UST: variants seen among roughly 807,000 people sequenced by gnomAD.
The protein encoded by UST is chondroitin sulfate 2-O-sulfotransferase.
UST carries 21 observed loss-of-function variants against 45.6 expected under a neutral mutation model. That is an observed-to-expected ratio of 0.46 (90% CI 0.33 to 0.66). The LOEUF (loss-of-function observed/expected upper bound fraction) is 0.66, where lower values mean the gene tolerates loss of function less well. Among genes scored for constraint, UST ranks in the 30% least tolerant of loss-of-function variants. The pLI, the probability that UST is intolerant of heterozygous loss-of-function variation, is 0.02. For synonymous variants in UST, 215 were observed against 200.6 expected, an observed-to-expected ratio of 1.07 and a Z score of -0.61; for missense variants, 463 against 512.4, an observed-to-expected ratio of 0.90 and a Z score of 0.93.
At chr6:148,750,555 G>C (rs979377260) in intron 1 of UST, among the ~76,000 whole-genome samples, 3 of 152,160 alleles carry the variant, frequency 2.0e-5, no homozygotes, top group South Asian at 4.1e-4. Flanking sequence ...CTGTCTGATT[G>C]CAATACCCAT....
At chr6:149,009,244 A>T (rs1249387196) in intron 5 of UST, among the ~76,000 whole-genome samples, 2 of 152,246 alleles carry the variant, frequency 1.3e-5, no homozygotes, top group Admixed American at 1.3e-4. Flanking sequence ...GACATGGAAG[A>T]TCAAAAAATC....
chr6:148,930,121 G>C (rs1309347779), intron 2 of UST, among the ~76,000 whole-genome samples: 1 of 152,160 alleles, frequency 6.6e-6, no homozygotes, highest in African/African-American at 2.4e-5. Context: ...CCTTCCCTGA[G>C]TTCTCAAGGC....
At chr6:148,851,204 C>T (rs1778097312) in intron 1 of UST, among the ~76,000 whole-genome samples, 3 of 152,306 alleles carry the variant, frequency 2.0e-5, no homozygotes, top group Admixed American at 6.5e-5. Context: ...TAGCATCCCT[C>T]ATCCCTGACA....
intron 7 of UST, among the ~76,000 whole-genome samples, chr6:149,051,395 G>T (rs1486262901): frequency 6.6e-6 from 1 of 152,196 alleles, no homozygotes; most frequent in African/African-American, 2.4e-5. Context: ...TCTGCCAAGT[G>T]GTGGCGAGCA....
chr6:149,029,029 C>G (rs748900699), intron 7 of UST, among the ~76,000 whole-genome samples: 19 of 152,142 alleles, frequency 1.2e-4, no homozygotes, highest in Non-Finnish European at 2.4e-4. Context: ...GGCGATGTCT[C>G]TCCATTTTCT....
chr6:149,015,971 T>C (rs998624514), intron 5 of UST, among the ~76,000 whole-genome samples: 1 of 152,326 alleles, frequency 6.6e-6, no homozygotes, highest in Non-Finnish European at 1.5e-5. Flanking sequence ...TGCAGGCCCC[T>C]GGTCCTCAGG....
At chr6:148,991,564 A>G (rs1781353882) in intron 5 of UST, among the ~76,000 whole-genome samples, 1 of 131,606 alleles carries the variant, frequency 7.6e-6, no homozygotes, top group African/African-American at 2.9e-5. Flanking sequence ...CCTGTGTCCA[A>G]GTGTTCTCAT....
rs1778923351 is a variant in UST at position 148,886,971 on chromosome 6, T to C, written c.248-15T>C. 1 of 1,609,772 alleles carries C rather than the reference T, an allele frequency of 6.2e-7. No individual in the cohort carries two copies. Among genetic ancestry groups the C allele is most frequent in the African/African-American group, 1.3e-5 (1 of 74,910 alleles). ...TTAAAAAACGGATTCATCAACTTTT[T>C]CCTTTATTTTCTAGGAAATTCCACT... is the stretch of plus-strand genomic sequence containing the variant. On this transcript the variant is annotated splice_polypyrimidine_tract_variant and intron_variant, in intron 1 of 7. Coordinates refer to ENST00000367463, the MANE Select transcript of UST (RefSeq NM_005715.3).
At chr6:148,763,508 TTTAA>T (rs770128205) in intron 1 of UST, among the ~76,000 whole-genome samples, 1 of 152,180 alleles carries the variant, frequency 6.6e-6, no homozygotes, top group Non-Finnish European at 1.5e-5. Flanking sequence ...AGCTCTTTAG[TTTAA>T]TTAAGTCCCT....
intron 1 of UST, among the ~76,000 whole-genome samples, chr6:148,876,814 C>T (rs945650461): frequency 2.0e-4 from 31 of 151,666 alleles, no homozygotes; most frequent in African/African-American, 6.3e-4. Context: ...CATTGGGCTC[C>T]TCTGTGCTGA....
intron 3 of UST, among the ~76,000 whole-genome samples, chr6:148,945,366 A>C (rs1027322243): frequency 6.6e-6 from 1 of 152,214 alleles, no homozygotes; most frequent in African/African-American, 2.4e-5. Context: ...TGCAGTGTTT[A>C]TCTCCTCTAG....
intron 2 of UST, among the ~76,000 whole-genome samples, chr6:148,919,571 A>G (rs1779662498): frequency 6.6e-6 from 1 of 152,222 alleles, no homozygotes; most frequent in African/African-American, 2.4e-5. Flanking sequence ...TGAAATAATT[A>G]TGCTTTCATA....
intron 4 of UST, among the ~76,000 whole-genome samples, chr6:148,964,158 A>G (rs1348538635): frequency 6.6e-6 from 1 of 152,230 alleles, no homozygotes; most frequent in Admixed American, 6.5e-5. Context: ...TGTGGTTTGT[A>G]CCGTGCTATA....
At chr6:148,977,770 A>G (rs1241760908) in intron 5 of UST, among the ~76,000 whole-genome samples, 3 of 150,672 alleles carry the variant, frequency 2.0e-5, no homozygotes, top group East Asian at 3.9e-4. Context: ...AAAAAAAAAA[A>G]AGAAAAGAAA....
At chr6:149,058,807 T>A (rs557390483) in intron 7 of UST, among the ~76,000 whole-genome samples, 6 of 152,332 alleles carry the variant, frequency 3.9e-5, no homozygotes, top group African/African-American at 1.4e-4. Flanking sequence ...AATATCTGCT[T>A]CAATTGTTGT....
intron 1 of UST, among the ~76,000 whole-genome samples, chr6:148,859,333 G>A (rs1329278947): frequency 3.3e-5 from 5 of 152,134 alleles, no homozygotes; most frequent in Non-Finnish European, 7.3e-5. Flanking sequence ...ACTTTTTGAT[G>A]GGGTTGTTTG....
rs567687319 is a variant in UST, at chr6:148,945,673, G to A, written c.447+4239G>A. ...ATGAATCAATTCACGATGATTATTCGCATTTTGAAGACTTCGAAAATTAAA... is the reference window on the plus strand; with the variant it reads ...ATGAATCAATTCACGATGATTATTCACATTTTGAAGACTTCGAAAATTAAA... On this transcript the variant is annotated intron_variant, in intron 3 of 7. Coordinates refer to ENST00000367463, the MANE Select transcript of UST (RefSeq NM_005715.3). 3.3e-4 allele frequency among the ~76,000 whole-genome samples: 50 copies of A among 152,252 alleles called. No individual in the cohort carries two copies. In the South Asian group the frequency reaches 7.5e-3, roughly 23 times the overall value.
intron 1 of UST, among the ~76,000 whole-genome samples, chr6:148,854,933 CA>C (rs1438011866): frequency 6.6e-6 from 1 of 151,886 alleles, no homozygotes; most frequent in Non-Finnish European, 1.5e-5. Flanking sequence ...GGGCAATTTA[CA>C]AAAGAAAGAG....
chr6:148,792,858 T>A (rs989982237), intron 1 of UST, among the ~76,000 whole-genome samples: 4 of 152,244 alleles, frequency 2.6e-5, no homozygotes, highest in African/African-American at 4.8e-5. Context: ...GATAATTTTT[T>A]AAATATCCTT....
Sources: allele counts gnomAD v4.1 joint callset (sites outside exome capture counted in the v4.1 genomes callset), GRCh38; gene constraint gnomAD v4.1.1; transcripts MANE v1.5; gene names NCBI Gene and HGNC (gene_info 2026-07-23, HGNC 2026-07-21).